CNBD1: variants seen among roughly 807,000 people sequenced by gnomAD.
The protein encoded by CNBD1 is cyclic nucleotide binding domain containing 1.
CNBD1 carries 71 observed loss-of-function variants against 54.4 expected under a neutral mutation model. The observed-to-expected ratio is 1.30, with a 90% CI of 1.08 to 1.59. The LOEUF (loss-of-function observed/expected upper bound fraction) is 1.59, where lower values mean the gene tolerates loss of function less well. Ranked by LOEUF, CNBD1 falls within the 40% of genes most tolerant of loss-of-function variation. CNBD1 has a pLI of 0.00. For missense variants in CNBD1, 659 were observed against 518.0 expected (o/e 1.27, Z -2.64); for synonymous variants, 182 against 170.7 (o/e 1.07, Z -0.51).
At chr8:86,952,935 T>G (rs1367000303) in intron 4 of CNBD1, among the ~76,000 whole-genome samples, 1 of 152,216 alleles carries the variant, frequency 6.6e-6, no homozygotes. Flanking sequence ...AACTTTATTT[T>G]ATATTTTGGG....
At chr8:87,144,065 T>C (rs560932173) in intron 4 of CNBD1, among the ~76,000 whole-genome samples, 13 of 152,310 alleles carry the variant, frequency 8.5e-5, no homozygotes, top group African/African-American at 2.9e-4. Flanking sequence ...AGCAGTTTGT[T>C]CTGAAGGAAA....
chr8:87,221,946 C>T (rs890098561), intron 5 of CNBD1, among the ~76,000 whole-genome samples: 5 of 151,972 alleles, frequency 3.3e-5, no homozygotes, highest in African/African-American at 1.2e-4. Flanking sequence ...CTCCTGGTAC[C>T]TTAGAAGAGG....
At chr8:87,411,832 A>AT (rs1388455313) in intron 2 of CNBD1, among the ~76,000 whole-genome samples, 3 of 152,026 alleles carry the variant, frequency 2.0e-5, no homozygotes, top group South Asian at 2.1e-4. Context: ...TTCTGATATC[A>AT]TTTTTCAATA....
At chr8:87,010,730 G>A (rs1809201523) in intron 4 of CNBD1, among the ~76,000 whole-genome samples, 1 of 152,160 alleles carries the variant, frequency 6.6e-6, no homozygotes, top group South Asian at 2.1e-4. Context: ...GGGCAACAGA[G>A]CGAAACTCTG....
At chr8:87,005,693 G>A (rs945836255) in intron 4 of CNBD1, among the ~76,000 whole-genome samples, 64 of 151,996 alleles carry the variant, frequency 4.2e-4, no homozygotes, top group Admixed American at 2.9e-3. Context: ...TGCAACAAAG[G>A]AAAGAAATTG....
At chr8:86,972,400 A>T (rs1294025026) in intron 4 of CNBD1, among the ~76,000 whole-genome samples, 1 of 152,188 alleles carries the variant, frequency 6.6e-6, no homozygotes, top group Non-Finnish European at 1.5e-5. Flanking sequence ...GTAAGAGTAG[A>T]AGCATACTTG....
chr8:87,013,715 G>A (rs1306138019), intron 4 of CNBD1, among the ~76,000 whole-genome samples: 1 of 150,154 alleles, frequency 6.7e-6, no homozygotes, highest in Non-Finnish European at 1.5e-5. Flanking sequence ...GGATCTTTGT[G>A]TTTGTATGTG....
chr8:86,946,555 A>T (rs1203364545), intron 4 of CNBD1, among the ~76,000 whole-genome samples: 3 of 152,000 alleles, frequency 2.0e-5, no homozygotes, highest in Non-Finnish European at 2.9e-5. Flanking sequence ...TTTGCCTCTT[A>T]TTTTTCCATA....
intron 8 of CNBD1, among the ~76,000 whole-genome samples, chr8:87,327,438 G>C (rs13272917): frequency 4.6e-5 from 7 of 151,924 alleles, no homozygotes; most frequent in Non-Finnish European, 7.4e-5. Flanking sequence ...TCAGACTGCT[G>C]TGCTAGCAAT....
chr8:87,362,766 A>G (rs1268379252), intron 10 of CNBD1, among the ~76,000 whole-genome samples: 2 of 152,006 alleles, frequency 1.3e-5, no homozygotes, highest in East Asian at 1.9e-4. Flanking sequence ...TTAGATACCA[A>G]TTTTGCTTTT....
chr8:87,302,168 T>G (rs1809013374), intron 8 of CNBD1, among the ~76,000 whole-genome samples: 1 of 152,152 alleles, frequency 6.6e-6, no homozygotes, highest in African/African-American at 2.4e-5. Flanking sequence ...TACCAAAGCC[T>G]GGCAGAGACA....
chr8:87,319,794 A>G (rs1586009114), intron 8 of CNBD1, among the ~76,000 whole-genome samples: 1 of 152,226 alleles, frequency 6.6e-6, no homozygotes, highest in African/African-American at 2.4e-5. Context: ...CATTCAAAAA[A>G]GCGTTTCTAT....
intron 4 of CNBD1, among the ~76,000 whole-genome samples, chr8:87,145,517 T>C (rs540797420): frequency 7.2e-5 from 11 of 152,204 alleles, no homozygotes; most frequent in Admixed American, 1.3e-4. Flanking sequence ...GATAACATAA[T>C]GTAAATAAAA....
intron 10 of CNBD1, among the ~76,000 whole-genome samples, chr8:87,363,501 C>T (rs1810566482): frequency 6.6e-6 from 1 of 152,132 alleles, no homozygotes; most frequent in Admixed American, 6.6e-5. Context: ...ACATCCTCTC[C>T]AGCATCTGTT....
At chr8:86,982,537 C>G (rs1167274766) in intron 4 of CNBD1, among the ~76,000 whole-genome samples, 3 of 152,114 alleles carry the variant, frequency 2.0e-5, no homozygotes, top group Non-Finnish European at 2.9e-5. Flanking sequence ...TGATTTGTTG[C>G]AAAGTCTATT....
chr8:86,962,795 A>AT (rs1034709003), intron 4 of CNBD1, among the ~76,000 whole-genome samples: 1 of 145,808 alleles, frequency 6.9e-6, no homozygotes, highest in Non-Finnish European at 1.6e-5. Flanking sequence ...CAAAAAAAAC[A>AT]CAAAAAACAA....
At chr8:87,193,755 A>C (rs1159999695) in intron 4 of CNBD1, among the ~76,000 whole-genome samples, 1 of 152,200 alleles carries the variant, frequency 6.6e-6, no homozygotes, top group African/African-American at 2.4e-5. Context: ...AGGTGGTCAG[A>C]TATTCCTTCA....
intron 4 of CNBD1, among the ~76,000 whole-genome samples, chr8:86,980,018 T>C (rs1157722604): frequency 6.6e-6 from 1 of 152,220 alleles, no homozygotes; most frequent in Non-Finnish European, 1.5e-5. Context: ...TTTGTTACTT[T>C]TAAGTTTTAA....
intron 10 of CNBD1, among the ~76,000 whole-genome samples, chr8:87,365,293 C>A (rs1003564054): frequency 1.5e-4 from 23 of 151,548 alleles, no homozygotes; most frequent in Admixed American, 1.5e-3. Context: ...GCTTGTTGGC[C>A]GTGTGTATGC....
Sources: gnomAD v4.1 joint callset for allele counts (sites outside exome capture counted in the v4.1 genomes callset) on GRCh38, gnomAD v4.1.1 for gene constraint, MANE v1.5 for transcripts, NCBI Gene and HGNC (gene_info 2026-07-23, HGNC 2026-07-21) for gene names.